SH3GL2: variants seen among roughly 807,000 people sequenced by gnomAD.
SH3GL2 encodes SH3 domain containing GRB2 like 2, endophilin A1.
A neutral mutation model predicts 46.0 loss-of-function variants in SH3GL2; 24 were observed. That is an observed-to-expected ratio of 0.52 (90% confidence interval 0.38 to 0.73). The LOEUF is 0.73. Among genes scored for constraint, SH3GL2 ranks in the 30% least tolerant of loss-of-function variants. The pLI is 0.00. For synonymous variants in SH3GL2, 196 were observed against 147.1 expected, an observed-to-expected ratio of 1.33 and a Z score of -2.40; for missense variants, 413 against 424.2, an observed-to-expected ratio of 0.97 and a Z score of 0.23.
intron 1 of SH3GL2, among the ~76,000 whole-genome samples, chr9:17,691,753 A>T (rs950550103): frequency 6.6e-6 from 1 of 152,112 alleles, no homozygotes; most frequent in Non-Finnish European, 1.5e-5. Flanking sequence ...AACAATATAG[A>T]TTATAGATTT....
intron 1 of SH3GL2, chr9:17,630,298 T>C (rs1819389974): frequency 6.6e-6 from 1 of 152,240 alleles, no homozygotes; most frequent in Non-Finnish European, 1.5e-5. Flanking sequence ...AATAAGGTGA[T>C]GAAAATAATT....
At chr9:17,593,883 T>G (rs1242823067) in intron 1 of SH3GL2, among the ~76,000 whole-genome samples, 1 of 152,192 alleles carries the variant, frequency 6.6e-6, no homozygotes, top group Non-Finnish European at 1.5e-5. Context: ...TTTCCCATTC[T>G]GAGCACTTGT....
At chr9:17,765,679 A>G (rs1432965426) in intron 3 of SH3GL2, among the ~76,000 whole-genome samples, 1 of 152,106 alleles carries the variant, frequency 6.6e-6, no homozygotes, top group African/African-American at 2.4e-5. Flanking sequence ...TCCAGCGTAA[A>G]GGTCACTTAT....
intron 1 of SH3GL2, among the ~76,000 whole-genome samples, chr9:17,594,064 G>C (rs530939421): frequency 6.6e-6 from 1 of 152,234 alleles, no homozygotes; most frequent in South Asian, 2.1e-4. Flanking sequence ...TGGCTATAGT[G>C]ACTTTTCTAA....
intron 1 of SH3GL2, among the ~76,000 whole-genome samples, chr9:17,718,549 C>T (rs1821816599): frequency 6.6e-6 from 1 of 152,084 alleles, no homozygotes; most frequent in Non-Finnish European, 1.5e-5. Flanking sequence ...ATGGTGAAAT[C>T]CCATCTCTAC....
chr9:17,732,304 G>A (rs773648828), intron 1 of SH3GL2, among the ~76,000 whole-genome samples: 2 of 152,080 alleles, frequency 1.3e-5, no homozygotes, highest in Non-Finnish European at 2.9e-5. Flanking sequence ...GTGGGAAAGA[G>A]GAAAAGACAA....
chr9:17,708,615 A>G (rs1298996155), intron 1 of SH3GL2, among the ~76,000 whole-genome samples: 1 of 152,014 alleles, frequency 6.6e-6, no homozygotes, highest in Admixed American at 6.6e-5. Flanking sequence ...ACACCTGGTC[A>G]GGTGTCTCTA....
intron 1 of SH3GL2, among the ~76,000 whole-genome samples, chr9:17,670,331 C>T (rs184925564): frequency 6.6e-6 from 1 of 152,138 alleles, no homozygotes; most frequent in Non-Finnish European, 1.5e-5. Context: ...TCTTGGGCTG[C>T]TTTTTGTTAG....
intron 1 of SH3GL2, among the ~76,000 whole-genome samples, chr9:17,701,115 G>C (rs942987914): frequency 6.6e-6 from 1 of 152,122 alleles, no homozygotes; most frequent in African/African-American, 2.4e-5. Context: ...AGAGGGTAGA[G>C]AGTGAAAATG....
intron 1 of SH3GL2, among the ~76,000 whole-genome samples, chr9:17,657,116 G>T (rs900693462): frequency 1.3e-5 from 2 of 152,180 alleles, no homozygotes; most frequent in African/African-American, 4.8e-5. Context: ...GAGAAAAGTA[G>T]TCTGAAAAGC....
At chr9:17,790,640 G>T (rs961902520) in intron 6 of SH3GL2, among the ~76,000 whole-genome samples, 1 of 152,150 alleles carries the variant, frequency 6.6e-6, no homozygotes, top group African/African-American at 2.4e-5. Context: ...CTGCTACCCA[G>T]CTGGATCATA....
At chr9:17,609,296 A>G (rs1170781716) in intron 1 of SH3GL2, among the ~76,000 whole-genome samples, 1 of 151,672 alleles carries the variant, frequency 6.6e-6, no homozygotes, top group Non-Finnish European at 1.5e-5. Context: ...TTTTCTGGAT[A>G]TTTTGCAGAG....
chr9:17,616,634 C>T (rs572251971), intron 1 of SH3GL2, among the ~76,000 whole-genome samples: 85 of 151,886 alleles, frequency 5.6e-4, no homozygotes, highest in African/African-American at 2.0e-3. Flanking sequence ...TGCAGGGGAA[C>T]AAAATATTGT....
chr9:17,794,027 G>A (rs772327974), intron 8 of SH3GL2, among the ~76,000 whole-genome samples: 2 of 152,202 alleles, frequency 1.3e-5, no homozygotes, highest in South Asian at 2.1e-4. Context: ...TTTGAAACTC[G>A]ACACTTGCTG....
intron 1 of SH3GL2, among the ~76,000 whole-genome samples, chr9:17,597,102 T>G (rs1366308710): frequency 2.6e-5 from 4 of 152,258 alleles, no homozygotes; most frequent in African/African-American, 7.2e-5. Flanking sequence ...GAGAAACAGT[T>G]GAGACTGCTT....
chr9:17,580,081 A>T lies in SH3GL2; in HGVS notation c.45+794A>T, dbSNP rs148774743. ...ACTGTAATAAAACTGATTAATTTAGATTCTAATAATTAAAATCATTGGACT... is the reference window on the plus strand; with the variant it reads ...ACTGTAATAAAACTGATTAATTTAGTTTCTAATAATTAAAATCATTGGACT... On this transcript the variant is annotated intron_variant, in intron 1 of 8. Coordinates refer to ENST00000380607, the MANE Select transcript of SH3GL2 (RefSeq NM_003026.5). Among the ~76,000 whole-genome samples, 956 of 152,296 alleles carry T rather than the reference A, an allele frequency of 6.3e-3. 4 individuals carry two copies. The highest frequency in any genetic ancestry group is 0.027 in the Middle Eastern group (8 of 294).
intron 3 of SH3GL2, among the ~76,000 whole-genome samples, chr9:17,762,093 G>C (rs888661778): frequency 2.0e-5 from 3 of 152,192 alleles, no homozygotes; most frequent in Admixed American, 2.0e-4. Flanking sequence ...ACCAGGCAGA[G>C]TTGGGGCAGT....
At chr9:17,579,914 A>T (rs772411668) in intron 1 of SH3GL2, among the ~76,000 whole-genome samples, 7 of 152,232 alleles carry the variant, frequency 4.6e-5, no homozygotes, top group Non-Finnish European at 1.0e-4. Flanking sequence ...AGGGCATGAC[A>T]AACAGTCTGC....
chr9:17,773,084 A>G (rs1823537560), intron 3 of SH3GL2, among the ~76,000 whole-genome samples: 1 of 152,172 alleles, frequency 6.6e-6, no homozygotes, highest in Non-Finnish European at 1.5e-5. Context: ...CCTAATGATT[A>G]GTGAAGTTAA....
Sources: gnomAD v4.1 joint callset for allele counts (sites outside exome capture counted in the v4.1 genomes callset) on GRCh38, gnomAD v4.1.1 for gene constraint, MANE v1.5 for transcripts, NCBI Gene and HGNC (gene_info 2026-07-23, HGNC 2026-07-21) for gene names.